Variants in PRDM11 observed in about 807,000 individuals in gnomAD.
PRDM11 encodes the protein PR/SET domain 11.
A neutral mutation model predicts 97.8 loss-of-function variants in PRDM11; 20 were observed. The observed-to-expected ratio is 0.20, with a 90% CI of 0.14 to 0.30. The LOEUF (loss-of-function observed/expected upper bound fraction) is 0.30, where lower values mean the gene tolerates loss of function less well. Ranked by LOEUF, PRDM11 falls within the 10% of genes least tolerant of loss-of-function variation. The pLI, the probability that PRDM11 is intolerant of heterozygous loss-of-function variation, is 1.00. For missense variants in PRDM11, 1,139 were observed against 1,555.2 expected (o/e 0.73, Z 4.50); for synonymous variants, 599 against 637.7 (o/e 0.94, Z 0.91).
Position 45,226,015 on chromosome 11 carries a change from G to C in PRDM11, c.1390G>C (p.Gly464Arg), listed in dbSNP as rs954224905. The change falls in exon 8 of 8, where the codon GGC (glycine) becomes CGC (arginine). Residue 464 changes from glycine (G) to arginine (R), a missense_variant. Transcript: ENST00000683152. ...TTCAGCCTCAGAAAGCATGGTCTCC[G>C]GCCCCGCCATCATGGAGGATGATGA... ...DPAASESMVS[G>R]PAIMEDDDQE... The C allele has an allele frequency of 6.6e-7, 1 of 1,505,710 alleles. No individual in the cohort carries two copies. Among genetic ancestry groups the C allele is most frequent in the Non-Finnish European group, 8.9e-7 (1 of 1,125,484 alleles). The allele number at this position is 1,505,710 out of a possible 1,614,324, so 93.3% of individuals were successfully genotyped here. A position where few individuals can be genotyped will look rare whatever the true frequency, so the allele number is the denominator to read the frequency against.
chr11:45,099,156 A>C (rs2135593435), intron 1 of PRDM11, among the ~76,000 whole-genome samples: 1 of 152,256 alleles, frequency 6.6e-6, no homozygotes. Flanking sequence ...CTTGAGATTA[A>C]GATCACAGGC....
At chr11:45,160,895 T>C (rs1049145898) in intron 1 of PRDM11, among the ~76,000 whole-genome samples, 2 of 152,170 alleles carry the variant, frequency 1.3e-5, no homozygotes, top group African/African-American at 4.8e-5. Context: ...CTCAGAGAGT[T>C]GAAAACAGTG....
intron 1 of PRDM11, among the ~76,000 whole-genome samples, chr11:45,100,835 A>AGGTAGGAACTGGGTTG (rs1851960729): frequency 1.3e-5 from 2 of 152,236 alleles, no homozygotes; most frequent in South Asian, 4.1e-4. Context: ...GGATGTGCAC[A>AGGTAGGAACTGGGTTG]ATAACCAGCT....
intron 4 of PRDM11, among the ~76,000 whole-genome samples, chr11:45,196,508 C>G (rs995020121): frequency 1.3e-5 from 2 of 152,202 alleles, no homozygotes; most frequent in African/African-American, 4.8e-5. Context: ...CAGCAAACTC[C>G]TGATCCAGAT....
chr11:45,190,652 A>G (rs1852880819), intron 4 of PRDM11, among the ~76,000 whole-genome samples: 1 of 151,452 alleles, frequency 6.6e-6, no homozygotes, highest in South Asian at 2.1e-4. Context: ...TAACTACTCC[A>G]CTCTGCCTTT....
chr11:45,225,901 G>A (rs1296125035), intron 7 of PRDM11, 94 bp from the exon 8 acceptor site: 29 of 1,395,538 alleles, frequency 2.1e-5, no homozygotes, highest in East Asian at 1.0e-4. Context: ...TTCCCATGGT[G>A]TGGCACCTAC....
chr11:45,117,096 C>T (rs567352923), intron 1 of PRDM11, among the ~76,000 whole-genome samples: 5 of 151,814 alleles, frequency 3.3e-5, no homozygotes, highest in African/African-American at 9.7e-5. Context: ...TGGTGGTGTG[C>T]GTCTATAGTC....
rs1854051321 is a variant in PRDM11 at position 45,219,514 on chromosome 11, C to T, written c.555-56C>T. 4.0e-6 allele frequency: 6 copies of T among 1,497,966 alleles called. No homozygotes were observed. Among genetic ancestry groups the T allele is most frequent in the East Asian group, 2.3e-5 (1 of 43,626 alleles). The allele number at this position is 1,497,966 out of a possible 1,614,324, so 92.8% of individuals were successfully genotyped here. A position where few individuals can be genotyped will look rare whatever the true frequency, so the allele number is the denominator to read the frequency against. ...TTGCCCAGCACTGTGCCGGCACCAG[C>T]GGGCACTCAACAAAGGGTGGCCCGT... On this transcript the variant is annotated intron_variant, in intron 5 of 7. Transcript: ENST00000683152. This position sits in a 1 kb window ranked among gnomAD's most constrained non-coding sequence, Gnocchi z 4.2.
At position 45,224,221 on chromosome 11, in the gene PRDM11, G is replaced by A. The variant is rs1362895771; in HGVS notation, c.747G>A (p.Glu249=). The A allele has an allele frequency of 1.9e-6, 3 of 1,579,244 alleles. No homozygotes were observed. The highest frequency in any genetic ancestry group is 2.6e-6 in the Non-Finnish European group (3 of 1,165,804). ...CACCCTGGTTTTCCTTCCTAGGAGA[G>A]AAGAGGTTGCAGAGGGAGAAGTCTG... ...ETIHRNLARG[E]KRLQREKSEQ... is the part of the protein sequence containing the mutation. The change falls in exon 7 of 8, where the codon GAG becomes GAA. Residue 249 remains glutamate, a synonymous_variant. Coordinates refer to ENST00000683152, the MANE Select transcript of PRDM11 (RefSeq NM_001384648.1).
Position 45,229,292 on chromosome 11 carries a change from A to G in PRDM11, c.*1133A>G, listed in dbSNP as rs1188108748. On this transcript the variant is annotated 3_prime_UTR_variant, in exon 8 of 8. Coordinates refer to ENST00000683152, the MANE Select transcript of PRDM11 (RefSeq NM_001384648.1). Reference sequence around the variant, plus strand: ...CTAAGTTATGCATAACTCAAATGAGAGTCTGTAGAGATGTGGTCCTCCTTT... The same window carrying G: ...CTAAGTTATGCATAACTCAAATGAGGGTCTGTAGAGATGTGGTCCTCCTTT... The G allele has an allele frequency of 2.0e-5, 3 of 152,162 alleles. No individual in the cohort carries two copies. The highest frequency in any genetic ancestry group is 7.2e-5 in the African/African-American group (3 of 41,438). 9.4% of individuals were successfully genotyped at this position (152,162 alleles called of 1,614,324 possible).
chr11:45,158,413 G>A (rs566233093), intron 1 of PRDM11, among the ~76,000 whole-genome samples: 1 of 152,350 alleles, frequency 6.6e-6, no homozygotes, highest in East Asian at 1.9e-4. Context: ...CCAGCAGCAG[G>A]CCGGGCTGTC....
intron 1 of PRDM11, among the ~76,000 whole-genome samples, chr11:45,115,141 ATGTGTGTG>A (rs72077365): frequency 6.7e-6 from 1 of 149,424 alleles, no homozygotes; most frequent in Non-Finnish European, 1.5e-5. Context: ...TGTATATAGC[ATGTGTGTG>A]TGTGTGTGTG....
chr11:45,199,482 C>G (rs1348796878), intron 4 of PRDM11, among the ~76,000 whole-genome samples: 2 of 152,206 alleles, frequency 1.3e-5, no homozygotes. Flanking sequence ...TTTCTCAGGC[C>G]TCTTCTTCTC....
intron 1 of PRDM11, among the ~76,000 whole-genome samples, chr11:45,105,779 G>A (rs1852050927): frequency 6.6e-6 from 1 of 152,236 alleles, no homozygotes; most frequent in Non-Finnish European, 1.5e-5. Flanking sequence ...ACAAGGCAGT[G>A]GAGGAGCCCA....
At chr11:45,105,888 G>A (rs1852053662) in intron 1 of PRDM11, among the ~76,000 whole-genome samples, 1 of 152,188 alleles carries the variant, frequency 6.6e-6, no homozygotes, top group South Asian at 2.1e-4. Context: ...GCCTCTCCAG[G>A]GGTGAGGGTC....
At chr11:45,155,005 G>T (rs1386262661) in intron 1 of PRDM11, among the ~76,000 whole-genome samples, 1 of 152,210 alleles carries the variant, frequency 6.6e-6, no homozygotes, top group Non-Finnish European at 1.5e-5. Flanking sequence ...AGGGAGTGTG[G>T]CTGGAAGGAG....
intron 4 of PRDM11, among the ~76,000 whole-genome samples, chr11:45,201,962 ACT>A: frequency 6.6e-6 from 1 of 150,762 alleles, no homozygotes; most frequent in East Asian, 2.0e-4. Context: ...ATGGAGCGAG[ACT>A]CTGTCTCAAA....
intron 1 of PRDM11, among the ~76,000 whole-genome samples, chr11:45,169,499 C>T (rs1158555987): frequency 1.3e-5 from 2 of 152,234 alleles, no homozygotes; most frequent in Admixed American, 6.5e-5. Context: ...AAGTGTATTA[C>T]ACATGTTAAT....
chr11:45,222,644 G>T (rs999213449), intron 6 of PRDM11, among the ~76,000 whole-genome samples: 3 of 152,174 alleles, frequency 2.0e-5, no homozygotes, highest in South Asian at 2.1e-4. Context: ...ATCCTGAATA[G>T]ATAACTCCCT....
Sources: allele counts gnomAD v4.1 joint callset (sites outside exome capture counted in the v4.1 genomes callset), GRCh38; gene constraint gnomAD v4.1.1; non-coding constraint Gnocchi (gnomAD v3.1); transcripts MANE v1.5; gene names NCBI Gene and HGNC (gene_info 2026-07-23, HGNC 2026-07-21).